FANCD2: variants seen among roughly 807,000 people sequenced by gnomAD.
FANCD2 encodes the protein FA complementation group D2, also known as Fanconi anemia group D2 protein.
FANCD2 carries 131 observed loss-of-function variants against 192.3 expected under a neutral mutation model. The ratio of observed to expected loss-of-function variants is 0.68; its 90% CI spans 0.59 to 0.79. The LOEUF (loss-of-function observed/expected upper bound fraction) is 0.79, where lower values mean the gene tolerates loss of function less well. FANCD2 is among the 30% of genes least tolerant of loss of function. The pLI, the probability that FANCD2 is intolerant of heterozygous loss-of-function variation, is 0.00. For synonymous variants in FANCD2, 524 were observed against 612.5 expected, an observed-to-expected ratio of 0.86 and a Z score of 2.13; for missense variants, 1,508 against 1,701.6, an observed-to-expected ratio of 0.89 and a Z score of 2.00.
chr3:10,078,025 A>G (rs866301912), intron 29 of FANCD2, 56 bp from the exon 30 acceptor site: 3 of 1,252,852 alleles, frequency 2.4e-6, no homozygotes, highest in Non-Finnish European at 3.5e-6. Context: ...AAGAAAAAAA[A>G]TTATCATGAA....
chr3:10,032,124 C>T (rs779155076), intron 2 of FANCD2, among the ~76,000 whole-genome samples: 1 of 151,860 alleles, frequency 6.6e-6, no homozygotes. Context: ...GGATTACAGG[C>T]GTGAGCCACT....
intron 19 of FANCD2, among the ~76,000 whole-genome samples, chr3:10,061,333 C>A (rs149408476): frequency 2.0e-5 from 3 of 152,180 alleles, no homozygotes; most frequent in African/African-American, 7.2e-5. Flanking sequence ...CTCCCTCTAA[C>A]CCCACCCCAA....
intron 18 of FANCD2, among the ~76,000 whole-genome samples, chr3:10,054,397 G>GTGTATATACATATA (rs2087322353): frequency 1.3e-5 from 1 of 79,258 alleles, no homozygotes; most frequent in Admixed American, 1.6e-4. Flanking sequence ...ATGTATATAC[G>GTGTATATACATATA]TATATGTATA....
chr3:10,038,878 A>T (rs1045285128), intron 7 of FANCD2, among the ~76,000 whole-genome samples: 1 of 152,042 alleles, frequency 6.6e-6, no homozygotes, highest in Admixed American at 6.5e-5. Context: ...ACTGCATCTG[A>T]CTTATGCTTG....
chr3:10,029,320 C>A (rs143133591), intron 2 of FANCD2, among the ~76,000 whole-genome samples: 24 of 152,122 alleles, frequency 1.6e-4, no homozygotes, highest in African/African-American at 4.3e-4. Context: ...GGTAACATAG[C>A]GAGACTCCAT....
chr3:10,057,609 T>G (rs1381967571), intron 18 of FANCD2, among the ~76,000 whole-genome samples: 1 of 152,136 alleles, frequency 6.6e-6, no homozygotes, highest in East Asian at 1.9e-4. Context: ...ATGATCTGCC[T>G]GTCTCAGCCC....
rs780878229 is a variant in FANCD2 at position 10,081,507 on chromosome 3, C to A, written c.3224+43C>A. The A allele has an allele frequency of 1.3e-5, 17 of 1,336,486 alleles. No homozygotes were observed. The Admixed American group carries it at 2.9e-4, about 22-fold the overall frequency. 82.8% of individuals were successfully genotyped at this position (1,336,486 alleles called of 1,614,324 possible). On this transcript the variant is annotated intron_variant, in intron 32 of 43. Coordinates refer to ENST00000675286, the MANE Select transcript of FANCD2 (RefSeq NM_001018115.3). The stretch of plus-strand genomic sequence containing the variant: ...GTGGAGAGAACTGAGTATATACTTG[C>A]TTTTATTTGACAGTCACCAAGGCAC...
intron 16 of FANCD2, among the ~76,000 whole-genome samples, chr3:10,049,098 AAG>A (rs2087119079): frequency 6.6e-6 from 1 of 152,136 alleles, no homozygotes. Context: ...GGGAAAAAGA[AAG>A]AGGAAAACTA....
In FANCD2 at chr3:10,043,474, C is replaced by G; in HGVS notation, c.990-10C>G. The G allele has an allele frequency of 1.2e-6, 2 of 1,607,712 alleles. No homozygotes were observed. Among genetic ancestry groups the G allele is most frequent in the Non-Finnish European group, 1.7e-6 (2 of 1,174,302 alleles). On this transcript the variant is annotated splice_polypyrimidine_tract_variant and intron_variant, in intron 12 of 43. Transcript: ENST00000675286. ...AGAAGAGTAATTTTTTTCCTCTCTG[C>G]TACTTGTAGTTCCTCAGGAAATCAA...
chr3:10,095,354 C>A, intron 41 of FANCD2, 80 bp downstream of exon 41: 1 of 1,112,198 alleles, frequency 9.0e-7, no homozygotes, highest in Non-Finnish European at 1.4e-6. Context: ...CATGGGCTAC[C>A]ATCCTTCTTC....
chr3:10,052,311 A>G, intron 17 of FANCD2, 76 bp from the exon 18 acceptor site: 1 of 948,406 alleles, frequency 1.1e-6, no homozygotes, highest in Non-Finnish European at 1.7e-6. Context: ...TCTCTTTTAC[A>G]GGGATTTTAA....
chr3:10,077,867 T>C (rs1259949853), intron 29 of FANCD2, among the ~76,000 whole-genome samples: 2 of 151,744 alleles, frequency 1.3e-5, no homozygotes, highest in East Asian at 1.9e-4. Context: ...TCATTTCTTA[T>C]TAATTAAAAA....
chr3:10,079,975 C>A (rs1693743689), intron 30 of FANCD2, among the ~76,000 whole-genome samples: 1 of 150,890 alleles, frequency 6.6e-6, no homozygotes, highest in Admixed American at 6.6e-5. Flanking sequence ...AGTGCAGTGG[C>A]TTGATCTTGG....
At chr3:10,050,413 A>G (rs530364306) in intron 17 of FANCD2, among the ~76,000 whole-genome samples, 7 of 151,048 alleles carry the variant, frequency 4.6e-5, no homozygotes, top group African/African-American at 1.7e-4. Flanking sequence ...TCACGAGGTC[A>G]GGAGATCAAG....
chr3:10,068,490 A>T (rs66915020), intron 26 of FANCD2, among the ~76,000 whole-genome samples: 1 of 152,098 alleles, frequency 6.6e-6, no homozygotes, highest in East Asian at 1.9e-4. Context: ...GCAAGAAATT[A>T]AAGAGCAAAT....
At chr3:10,075,684 G>A (rs1693493959) in intron 29 of FANCD2, among the ~76,000 whole-genome samples, 1 of 148,562 alleles carries the variant, frequency 6.7e-6, no homozygotes, top group African/African-American at 2.5e-5. Context: ...ATTTTCACCT[G>A]AAATTTACAC....
intron 25 of FANCD2, 145 bp from the exon 26 acceptor site, chr3:10,067,064 T>C (rs2087740877): frequency 3.0e-6 from 2 of 656,488 alleles, no homozygotes; most frequent in African/African-American, 1.8e-5. Flanking sequence ...TTTTTCTGTA[T>C]ACCACGTTGT....
chr3:10,058,409 C>T (rs2087474789), intron 18 of FANCD2: 1 of 152,232 alleles, frequency 6.6e-6, no homozygotes, highest in South Asian at 2.1e-4. Flanking sequence ...CTTAAGATAC[C>T]ATTGCCGAAT....
intron 10 of FANCD2, 107 bp downstream of exon 10, chr3:10,041,817 A>C: frequency 1.3e-6 from 1 of 794,558 alleles, no homozygotes. Flanking sequence ...TTTTGAAACC[A>C]TAGTGAATCA....
Sources: allele counts gnomAD v4.1 joint callset (sites outside exome capture counted in the v4.1 genomes callset), GRCh38; gene constraint gnomAD v4.1.1; transcripts MANE v1.5; gene names NCBI Gene and HGNC (gene_info 2026-07-23, HGNC 2026-07-21).